Variants in GPR3 observed in about 807,000 individuals in gnomAD.
GPR3 encodes G protein-coupled receptor 3.
Under a neutral mutation model 18.2 loss-of-function variants are expected in GPR3, and 16 were observed. That is an observed-to-expected ratio of 0.88 (90% CI 0.60 to 1.34). GPR3 has a LOEUF of 1.34. Ranked by LOEUF, GPR3 falls within the 40% of genes most tolerant of loss-of-function variation. The pLI is 0.00. For missense variants in GPR3, 326 were observed against 427.6 expected (o/e 0.76, Z 2.10); for synonymous variants, 183 against 188.9 (o/e 0.97, Z 0.26).
At position 27,393,818 on chromosome 1, in the gene GPR3, G is replaced by A; in HGVS notation, c.20G>A (p.Ser7Asn). The change falls in exon 2 of 2, where the codon AGC (serine) becomes AAC (asparagine). Residue 7 changes from serine to asparagine, a missense_variant. By Grantham distance (46) the Ser-to-Asn change is conservative. Coordinates refer to ENST00000374024, the MANE Select transcript of GPR3 (RefSeq NM_005281.4). Reference protein sequence around the residue: MMWGAGSPLAWLSAGSG... With the variant: MMWGAGNPLAWLSAGSG... ...GGTACCATGATGTGGGGTGCAGGCA[G>A]CCCTCTGGCCTGGCTCTCAGCTGGC... The A allele has an allele frequency of 6.5e-7, 1 of 1,544,896 alleles. No homozygotes were observed. Among genetic ancestry groups the A allele is most frequent in the Non-Finnish European group, 8.7e-7 (1 of 1,144,178 alleles).
chr1:27,393,794 G>A lies in GPR3; in HGVS notation c.-5G>A. The A allele has an allele frequency of 6.5e-7, 1 of 1,528,032 alleles. No homozygotes were observed. The highest frequency in any genetic ancestry group is 8.8e-7 in the Non-Finnish European group (1 of 1,137,042). 94.7% of individuals were successfully genotyped at this position (1,528,032 alleles called of 1,614,324 possible). ...TTCTCACAAGGCCTTTCTCCTGCAG[G>A]TACCATGATGTGGGGTGCAGGCAGC... On this transcript the variant is annotated splice_region_variant and 5_prime_UTR_variant, in exon 2 of 2. Transcript: ENST00000374024.
At position 27,392,699 on chromosome 1, in the gene GPR3, G is replaced by A. The variant is rs537646731; in HGVS notation, c.-44G>A. On this transcript the variant is annotated 5_prime_UTR_variant, in exon 1 of 2. Transcript: ENST00000374024. ...CGCCCTGCGCCGCCAGGACCCGAGC[G>A]GAGCCTCCCCGCGGCCCGGCCGCGC... is the stretch of plus-strand genomic sequence containing the variant. The A allele has an allele frequency of 6.6e-6, 1 of 152,162 alleles. No individual in the cohort carries two copies. The highest frequency in any genetic ancestry group is 1.5e-5 in the Non-Finnish European group (1 of 67,990). 9.4% of individuals were successfully genotyped at this position (152,162 alleles called of 1,614,324 possible).
intron 1 of GPR3, among the ~76,000 whole-genome samples, chr1:27,393,328 C>T (rs2016508066): frequency 6.6e-6 from 1 of 152,142 alleles, no homozygotes; most frequent in Non-Finnish European, 1.5e-5. Context: ...CTAAGGCTGG[C>T]AGTACTGAAA....
chr1:27,393,023 C>T (rs974604228), intron 1 of GPR3, among the ~76,000 whole-genome samples: 18 of 151,904 alleles, frequency 1.2e-4, no homozygotes, highest in African/African-American at 4.1e-4. Context: ...GGGGCAGGGA[C>T]CCAGGGGTCC....
At position 27,394,620 on chromosome 1, in the gene GPR3, T is replaced by C. The variant is rs141853796; in HGVS notation, c.822T>C (p.Ser274=). 4 of 1,613,970 alleles carry C rather than the reference T, an allele frequency of 2.5e-6. No individual in the cohort carries two copies. In the South Asian group the frequency reaches 3.3e-5, roughly 13 times the overall value. Reference sequence around the variant, plus strand: ...ACTGCCTGCTGGGTGATGCCCACTCTCCACCTCTCTACACCTATCTTACCT... The same window carrying C: ...ACTGCCTGCTGGGTGATGCCCACTCCCCACCTCTCTACACCTATCTTACCT... ...TVYCLLGDAH[S]PPLYTYLTLL... The change falls in exon 2 of 2, where the codon TCT becomes TCC. Residue 274 remains serine, a synonymous_variant. Transcript: ENST00000374024.
In GPR3 at chr1:27,394,646, T is replaced by A; in HGVS notation, c.848T>A (p.Leu283Ter). ...CCACCTCTCTACACCTATCTTACCT[T>A]GCTCCCTGCCACCTACAACTCCATG... ...HSPPLYTYLT[L>*]LPATYNSMIN... Residue 283 changes from leucine to a stop codon, truncating the protein, a stop_gained, in exon 2 of 2, where the codon TTG (leucine) becomes TAG (stop). Coordinates refer to ENST00000374024, the MANE Select transcript of GPR3 (RefSeq NM_005281.4). LOFTEE classifies it high-confidence loss of function. The A allele has an allele frequency of 6.2e-7, 1 of 1,614,136 alleles. No individual in the cohort carries two copies. Among genetic ancestry groups the A allele is most frequent in the Non-Finnish European group, 8.5e-7 (1 of 1,180,020 alleles).
At position 27,395,060 on chromosome 1, in the gene GPR3, A is replaced by G; in HGVS notation, c.*269A>G. The G allele has an allele frequency of 2.2e-6, 1 of 460,674 alleles. No homozygotes were observed. The highest frequency in any genetic ancestry group is 4.0e-6 in the Non-Finnish European group (1 of 251,002). The allele number at this position is 460,674 out of a possible 1,614,324, so 28.5% of individuals were successfully genotyped here. On this transcript the variant is annotated 3_prime_UTR_variant, in exon 2 of 2. Transcript: ENST00000374024. ...AATTCCAGAATGCTGGGAGTTTTACAGTGCCATTCCAAGTCCCAGATGTCC... is the reference window on the plus strand; with the variant it reads ...AATTCCAGAATGCTGGGAGTTTTACGGTGCCATTCCAAGTCCCAGATGTCC...
Position 27,393,914 on chromosome 1 carries a change from C to T in GPR3, c.116C>T (p.Ser39Leu), listed in dbSNP as rs911214961. The change falls in exon 2 of 2, where the codon TCG becomes TTG. Residue 39 changes from serine to leucine, a missense_variant. By Grantham distance (145) the Ser-to-Leu change is moderately radical. Coordinates refer to ENST00000374024, the MANE Select transcript of GPR3 (RefSeq NM_005281.4). ...ACAGGTCCAGCCGCACCACTGCCCT[C>T]GCCTAAGGCCTGGGATGTGGTGCTC... ...GPTGPAAPLP[S>L]PKAWDVVLCI... 7 of 1,610,760 alleles carry T rather than the reference C, an allele frequency of 4.3e-6. No homozygotes were observed. The Middle Eastern group carries it at 5.0e-4, about 114-fold the overall frequency.
At chr1:27,393,624 T>C (rs574321907) in intron 1 of GPR3, among the ~76,000 whole-genome samples, 170 bp from the exon 2 acceptor site, 4 of 152,190 alleles carry the variant, frequency 2.6e-5, no homozygotes, top group Admixed American at 2.0e-4. Flanking sequence ...GGGACAGCGG[T>C]ATCCTGGGAA....
intron 1 of GPR3, among the ~76,000 whole-genome samples, chr1:27,393,290 C>T (rs1055311914): frequency 2.0e-5 from 3 of 152,102 alleles, no homozygotes; most frequent in Non-Finnish European, 4.4e-5. Flanking sequence ...CTGGCGGGAG[C>T]TTCACGCGCA....
At chr1:27,393,036 A>G (rs981674164) in intron 1 of GPR3, among the ~76,000 whole-genome samples, 3 of 152,024 alleles carry the variant, frequency 2.0e-5, no homozygotes, top group Non-Finnish European at 4.4e-5. Flanking sequence ...AGGGGTCCGA[A>G]CAGCAGGAGG....
In GPR3 at chr1:27,394,882, C is replaced by G. The variant is rs1415320672; in HGVS notation, c.*91C>G. ...TTCTTTCCAAACCCCCAGCTCCACA[C>G]CCCCCAGACCCAGCTGGTTCTGGAG... On this transcript the variant is annotated 3_prime_UTR_variant, in exon 2 of 2. Coordinates refer to ENST00000374024, the MANE Select transcript of GPR3 (RefSeq NM_005281.4). 1 of 1,347,176 alleles carries G rather than the reference C, an allele frequency of 7.4e-7. No individual in the cohort carries two copies. The highest frequency in any genetic ancestry group is 1.0e-6 in the Non-Finnish European group (1 of 968,028). 83.5% of individuals were successfully genotyped at this position (1,347,176 alleles called of 1,614,324 possible).
In GPR3 at chr1:27,394,707, T is replaced by C; in HGVS notation, c.909T>C (p.Asp303=). 6.2e-7 allele frequency: 1 copy of C among 1,614,222 alleles called. No homozygotes were observed. The highest frequency in any genetic ancestry group is 8.5e-7 in the Non-Finnish European group (1 of 1,180,040). Residue 303 remains aspartate (D), a synonymous_variant, in exon 2 of 2, where the codon GAT becomes GAC. Transcript: ENST00000374024. ...TCATCTACGCCTTCCGCAACCAGGA[T>C]GTGCAGAAAGTGCTGTGGGCTGTCT... ...NPIIYAFRNQ[D]VQKVLWAVCC... is the part of the protein sequence containing the mutation.
In GPR3 at chr1:27,394,652, C is replaced by T; in HGVS notation, c.854C>T (p.Pro285Leu). ...CTCTACACCTATCTTACCTTGCTCC[C>T]TGCCACCTACAACTCCATGATCAAC... is the stretch of plus-strand genomic sequence containing the variant. The part of the protein sequence containing the change: ...PPLYTYLTLL[P>L]ATYNSMINPI... Residue 285 changes from proline (P) to leucine (L), a missense_variant, in exon 2 of 2, where the codon CCT (proline) becomes CTT (leucine). Transcript: ENST00000374024. 2 of 1,614,194 alleles carry T rather than the reference C, an allele frequency of 1.2e-6. No individual in the cohort carries two copies. Among genetic ancestry groups the T allele is most frequent in the Non-Finnish European group, 1.7e-6 (2 of 1,180,038 alleles).
Position 27,394,725 on chromosome 1 carries a change from G to C in GPR3, c.927G>C (p.Trp309Cys), listed in dbSNP as rs1229833091. Residue 309 changes from tryptophan to cysteine, a missense_variant, in exon 2 of 2, where the codon TGG (tryptophan) becomes TGC (cysteine). Transcript: ENST00000374024. Reference protein sequence around the residue: ...FRNQDVQKVLWAVCCCCSSSK... With the variant: ...FRNQDVQKVLCAVCCCCSSSK... Reference sequence around the variant, plus strand: ...ACCAGGATGTGCAGAAAGTGCTGTGGGCTGTCTGCTGCTGCTGTTCCTCTT... The same window carrying C: ...ACCAGGATGTGCAGAAAGTGCTGTGCGCTGTCTGCTGCTGCTGTTCCTCTT... The C allele has an allele frequency of 6.2e-7, 1 of 1,614,024 alleles. No individual in the cohort carries two copies.
Position 27,393,825 on chromosome 1 carries a change from G to T in GPR3, c.27G>T (p.Leu9=). ...TGATGTGGGGTGCAGGCAGCCCTCT[G>T]GCCTGGCTCTCAGCTGGCTCAGGCA... The part of the protein sequence containing the change: MMWGAGSP[L]AWLSAGSGNV... Residue 9 remains leucine, a synonymous_variant, in exon 2 of 2, where the codon CTG becomes CTT. Coordinates refer to ENST00000374024, the MANE Select transcript of GPR3 (RefSeq NM_005281.4). The T allele has an allele frequency of 6.4e-7, 1 of 1,559,156 alleles. No individual in the cohort carries two copies. The highest frequency in any genetic ancestry group is 8.7e-7 in the Non-Finnish European group (1 of 1,149,830).
chr1:27,393,395 G>C (rs998732237), intron 1 of GPR3, among the ~76,000 whole-genome samples: 1 of 152,156 alleles, frequency 6.6e-6, no homozygotes, highest in African/African-American at 2.4e-5. Context: ...TCTGATGGGA[G>C]GGAGCGGAGC....
rs1434802554 is a variant in GPR3 at position 27,392,716 on chromosome 1, C to T, written c.-27C>T. On this transcript the variant is annotated 5_prime_UTR_variant, in exon 1 of 2. Transcript: ENST00000374024. Reference sequence around the variant, plus strand: ...ACCCGAGCGGAGCCTCCCCGCGGCCCGGCCGCGCCTGGTCCTGAGCGGTGA... The same window carrying T: ...ACCCGAGCGGAGCCTCCCCGCGGCCTGGCCGCGCCTGGTCCTGAGCGGTGA... 4 of 152,200 alleles carry T rather than the reference C, an allele frequency of 2.6e-5. No individual in the cohort carries two copies. The highest frequency in any genetic ancestry group is 4.8e-5 in the African/African-American group (2 of 41,552). 9.4% of individuals were successfully genotyped at this position (152,200 alleles called of 1,614,324 possible). A position where few individuals can be genotyped will look rare whatever the true frequency, so the allele number is the denominator to read the frequency against.
Position 27,394,535 on chromosome 1 carries a change from T to C in GPR3, c.737T>C (p.Ile246Thr), listed in dbSNP as rs1348918275. ...ASHYVATRKG[I>T]ATLAVVLGAF... ...CACTATGTGGCCACCCGCAAGGGCATTGCCACACTGGCCGTGGTGCTTGGA... is the reference window on the plus strand; with the variant it reads ...CACTATGTGGCCACCCGCAAGGGCACTGCCACACTGGCCGTGGTGCTTGGA... The change falls in exon 2 of 2, where the codon ATT becomes ACT. Residue 246 changes from isoleucine (I) to threonine (T), a missense_variant. By Grantham distance (89) the Ile-to-Thr change is moderately conservative. Transcript: ENST00000374024. The C allele has an allele frequency of 8.1e-6, 13 of 1,614,196 alleles. No homozygotes were observed. The highest frequency in any genetic ancestry group is 1.6e-4 in the Middle Eastern group (1 of 6,062).
Sources: gnomAD v4.1 joint callset for allele counts (sites outside exome capture counted in the v4.1 genomes callset) on GRCh38, gnomAD v4.1.1 for gene constraint, MANE v1.5 for transcripts, NCBI Gene and HGNC (gene_info 2026-07-23, HGNC 2026-07-21) for gene names.